Variants in FBXL13 observed in about 807,000 individuals in gnomAD.
FBXL13 encodes the protein F-box and leucine rich repeat protein 13, also known as F-box and leucine-rich repeat protein 13.
In FBXL13, 67 loss-of-function variants were observed where a neutral mutation model predicts 83.6. The observed-to-expected ratio is 0.80, with a 90% CI of 0.66 to 0.98. The LOEUF (loss-of-function observed/expected upper bound fraction) is 0.98, where lower values mean the gene tolerates loss of function less well. FBXL13 is among the 50% of genes least tolerant of loss of function. FBXL13 has a pLI of 0.00. For missense variants in FBXL13, 822 were observed against 866.5 expected (o/e 0.95, Z 0.64); for synonymous variants, 272 against 299.5 (o/e 0.91, Z 0.95).
At chr7:102,946,569 GAAACAGA>G (rs1822528547) in intron 8 of FBXL13, among the ~76,000 whole-genome samples, 1 of 5,872 alleles carries the variant, frequency 1.7e-4, no homozygotes, top group East Asian at 0.25. Flanking sequence ...TTATTTACAG[GAAACAGA>G]GAATGGGAAG....
intron 6 of FBXL13, among the ~76,000 whole-genome samples, chr7:103,013,897 T>C (rs529690910): frequency 1.3e-5 from 2 of 151,806 alleles, no homozygotes; most frequent in South Asian, 2.1e-4. Context: ...GTAGATAAAC[T>C]AATTTTAAAA....
intron 6 of FBXL13, among the ~76,000 whole-genome samples, chr7:102,984,471 C>T (rs1828700669): frequency 6.6e-6 from 1 of 152,194 alleles, no homozygotes; most frequent in South Asian, 2.1e-4. Flanking sequence ...CCAAGACCTT[C>T]TGTTGGCAAA....
At chr7:103,014,791 C>T (rs1031897465) in intron 6 of FBXL13, among the ~76,000 whole-genome samples, 4 of 151,646 alleles carry the variant, frequency 2.6e-5, no homozygotes, top group Non-Finnish European at 5.9e-5. Context: ...GGCAAGGTAG[C>T]GGGCGCCTGT....
At chr7:102,813,950 T>C (rs1224418398) in intron 19 of FBXL13, among the ~76,000 whole-genome samples, 1 of 152,138 alleles carries the variant, frequency 6.6e-6, no homozygotes, top group African/African-American at 2.4e-5. Context: ...CAGATCCCTT[T>C]TGACTACATG....
At chr7:102,967,225 T>C (rs185125970) in intron 7 of FBXL13, among the ~76,000 whole-genome samples, 3 of 152,144 alleles carry the variant, frequency 2.0e-5, no homozygotes, top group African/African-American at 7.2e-5. Flanking sequence ...CCCAGAGTGC[T>C]TGGATTATAG....
At chr7:103,061,322 C>G (rs1358150093) in intron 1 of FBXL13, among the ~76,000 whole-genome samples, 1 of 152,162 alleles carries the variant, frequency 6.6e-6, no homozygotes, top group Non-Finnish European at 1.5e-5. Flanking sequence ...GGGCCTGTCC[C>G]AGAGGGGAAG....
intron 8 of FBXL13, among the ~76,000 whole-genome samples, chr7:102,955,627 T>A: frequency 4.1e-5 from 6 of 147,046 alleles, no homozygotes; most frequent in Admixed American, 6.8e-5. Context: ...TCAACAGAAT[T>A]GACAGACTGC....
chr7:102,937,327 C>T (rs1014442568), intron 8 of FBXL13, among the ~76,000 whole-genome samples: 2 of 136,334 alleles, frequency 1.5e-5, no homozygotes, highest in Non-Finnish European at 1.6e-5. Flanking sequence ...AGTTGAAACC[C>T]CATCTCTACT....
At chr7:103,003,717 G>A (rs1002243502) in intron 6 of FBXL13, among the ~76,000 whole-genome samples, 1 of 152,080 alleles carries the variant, frequency 6.6e-6, no homozygotes, top group African/African-American at 2.4e-5. Flanking sequence ...AAGTAGCTGG[G>A]ATTACAGGCG....
At chr7:102,859,085 T>A (rs1200886084) in intron 16 of FBXL13, among the ~76,000 whole-genome samples, 2 of 152,186 alleles carry the variant, frequency 1.3e-5, no homozygotes, top group African/African-American at 4.8e-5. Context: ...TCCTACAGCA[T>A]CCTTAAGTCC....
At chr7:102,923,521 T>TG (rs773779968) in intron 10 of FBXL13, among the ~76,000 whole-genome samples, 7 of 152,178 alleles carry the variant, frequency 4.6e-5, no homozygotes, top group Admixed American at 6.5e-5. Flanking sequence ...TAGTATTTCT[T>TG]GCCTGTATAA....
At chr7:102,838,453 A>C (rs1802380127) in intron 17 of FBXL13, among the ~76,000 whole-genome samples, 1 of 152,098 alleles carries the variant, frequency 6.6e-6, no homozygotes, top group African/African-American at 2.4e-5. Flanking sequence ...CATAGTAAAA[A>C]AAAAATTTTT....
chr7:103,054,849 G>T (rs1317516322), intron 2 of FBXL13, among the ~76,000 whole-genome samples: 1 of 152,008 alleles, frequency 6.6e-6, no homozygotes, highest in Non-Finnish European at 1.5e-5. Flanking sequence ...TTAATGGAAA[G>T]ATTTTATAAG....
At chr7:102,992,992 A>G (rs552684005) in intron 6 of FBXL13, among the ~76,000 whole-genome samples, 10 of 152,332 alleles carry the variant, frequency 6.6e-5, no homozygotes, top group East Asian at 1.9e-4. Context: ...CCAAAAATCA[A>G]CTGTTCCCAA....
At chr7:103,068,610 T>C (rs963837145) in intron 1 of FBXL13, among the ~76,000 whole-genome samples, 4 of 152,196 alleles carry the variant, frequency 2.6e-5, no homozygotes, top group Non-Finnish European at 5.9e-5. Flanking sequence ...CTGCTTTTTT[T>C]CCCTGGGAAC....
chr7:102,915,303 C>T (rs954936872), intron 10 of FBXL13, among the ~76,000 whole-genome samples: 3 of 151,656 alleles, frequency 2.0e-5, no homozygotes, highest in Non-Finnish European at 4.4e-5. Flanking sequence ...CAATCAAAAT[C>T]GGCAGGGACA....
chr7:102,959,205 T>C (rs894282988), intron 8 of FBXL13, among the ~76,000 whole-genome samples: 9 of 152,142 alleles, frequency 5.9e-5, no homozygotes, highest in Non-Finnish European at 1.0e-4. Flanking sequence ...AAAAAACTAC[T>C]GCTTTGTGTA....
intron 2 of FBXL13, among the ~76,000 whole-genome samples, chr7:103,039,803 C>T (rs1357975091): frequency 3.9e-5 from 6 of 151,968 alleles, no homozygotes; most frequent in Non-Finnish European, 8.8e-5. Context: ...ACCAGGCCTG[C>T]ATTACAAGAG....
intron 2 of FBXL13, among the ~76,000 whole-genome samples, chr7:103,054,405 AAAAG>A (rs1797135107): frequency 1.3e-5 from 2 of 151,886 alleles, no homozygotes; most frequent in South Asian, 2.1e-4. Context: ...AAAAAAAAAA[AAAAG>A]AGAGAGAGTT....
Sources: gnomAD v4.1 joint callset for allele counts (sites outside exome capture counted in the v4.1 genomes callset) on GRCh38, gnomAD v4.1.1 for gene constraint, MANE v1.5 for transcripts, NCBI Gene and HGNC (gene_info 2026-07-23, HGNC 2026-07-21) for gene names.